The following SCRT2 variants were observed in gnomAD, a reference collection of about 807,000 sequenced individuals.
SCRT2 encodes transcriptional repressor scratch 2.
Under a neutral mutation model 3.7 loss-of-function variants are expected in SCRT2, and 2 were observed. The ratio of observed to expected loss-of-function variants is 0.54; its 90% CI spans 0.22 to 1.70. The LOEUF is 1.70. Ranked by LOEUF, SCRT2 falls within the 40% of genes most tolerant of loss-of-function variation. SCRT2 has a pLI of 0.19. For synonymous variants in SCRT2, 256 were observed against 220.6 expected (o/e 1.16, Z -1.42); for missense variants, 456 against 468.5 (o/e 0.97, Z 0.25).
chr20:672,658 G>A (rs1984379936), intron 1 of SCRT2, among the ~76,000 whole-genome samples: 1 of 150,416 alleles, frequency 6.6e-6, no homozygotes, highest in East Asian at 1.9e-4. Context: ...CCGAGCTGCA[G>A]GAATGGCTTG....
chr20:664,616 G>A lies in SCRT2; in HGVS notation c.134-155C>T, dbSNP rs1289057641. ...CCTGCACCTCAGCTCTTCCTGTCAG[G>A]CAGCCTGGGTTCAATTCCTTCCTCC... On this transcript the variant is annotated intron_variant, in intron 1 of 1. Transcript: ENST00000246104. The surrounding 1 kb of genome is among the most constrained non-coding windows in gnomAD (Gnocchi z 7.9). Among the ~76,000 whole-genome samples the A allele has an allele frequency of 2.6e-5, 4 of 152,238 alleles. No homozygotes were observed. Among genetic ancestry groups the A allele is most frequent in the African/African-American group, 9.6e-5 (4 of 41,464 alleles).
In SCRT2 at chr20:664,352, G is replaced by A; in HGVS notation, c.243C>T (p.Tyr81=). The A allele has an allele frequency of 1.4e-6, 2 of 1,477,560 alleles. No individual in the cohort carries two copies. The highest frequency in any genetic ancestry group is 2.7e-5 in the East Asian group (1 of 36,592). The allele number at this position is 1,477,560 out of a possible 1,614,324, so 91.5% of individuals were successfully genotyped here. Reference sequence around the variant, plus strand: ...TCGACTGCGGGCTTTCGGGGTCGCTGTACTCCTCCGGCGCCGCCGGCGGGT... The same window carrying A: ...TCGACTGCGGGCTTTCGGGGTCGCTATACTCCTCCGGCGCCGCCGGCGGGT... ...PAYPPAAPEE[Y]SDPESPQSSL... The change falls in exon 2 of 2, where the codon TAC becomes TAT. Residue 81 remains tyrosine (Y), a synonymous_variant. Coordinates refer to ENST00000246104, the MANE Select transcript of SCRT2 (RefSeq NM_033129.4). This position sits in a 1 kb window ranked among gnomAD's most constrained non-coding sequence, Gnocchi z 7.9.
At position 661,700 on chromosome 20, in the gene SCRT2, G is replaced by A. The variant is rs1485153462; in HGVS notation, c.*1971C>T. 6.5e-6 allele frequency: 1 copy of A among 152,680 alleles called. No individual in the cohort carries two copies. The highest frequency in any genetic ancestry group is 2.4e-5 in the African/African-American group (1 of 41,458). The allele number at this position is 152,680 out of a possible 1,614,324, so 9.5% of individuals were successfully genotyped here. ...GGGGGTGAGTTGGGATAGGACGGAG[G>A]AGGAGCGCCAAGCGCTCATACAAAA... is the stretch of plus-strand genomic sequence containing the variant. On this transcript the variant is annotated 3_prime_UTR_variant, in exon 2 of 2. Transcript: ENST00000246104.
In SCRT2 at chr20:662,477, G is replaced by A. The variant is rs1361401564; in HGVS notation, c.*1194C>T. 1.3e-5 allele frequency: 2 copies of A among 152,428 alleles called. No individual in the cohort carries two copies. The highest frequency in any genetic ancestry group is 2.9e-5 in the Non-Finnish European group (2 of 68,264). The allele number at this position is 152,428 out of a possible 1,614,324, so 9.4% of individuals were successfully genotyped here. A position where few individuals can be genotyped will look rare whatever the true frequency, so the allele number is the denominator to read the frequency against. ...AGCGAGTGCAGGCTCTGAAGAGGGT[G>A]GGTTTCTCCCGAGACGCGGGGGTGT... On this transcript the variant is annotated 3_prime_UTR_variant, in exon 2 of 2. Coordinates refer to ENST00000246104, the MANE Select transcript of SCRT2 (RefSeq NM_033129.4).
rs1449468248 is a variant in SCRT2, at chr20:667,843, A to T, written c.134-3382T>A. 6.6e-6 allele frequency among the ~76,000 whole-genome samples: 1 copy of T among 152,108 alleles called. No homozygotes were observed. Among genetic ancestry groups the T allele is most frequent in the Non-Finnish European group, 1.5e-5 (1 of 68,016 alleles). The stretch of plus-strand genomic sequence containing the variant: ...GGAGGTGGTTCTAACTTGCTTTGTG[A>T]CTGTGGCCAGGTTGCTTAACCTTTC... On this transcript the variant is annotated intron_variant, in intron 1 of 1. Coordinates refer to ENST00000246104, the MANE Select transcript of SCRT2 (RefSeq NM_033129.4). The surrounding 1 kb of genome is among the most constrained non-coding windows in gnomAD (Gnocchi z 4.4).
At chr20:671,549 C>A (rs1448870410) in intron 1 of SCRT2, among the ~76,000 whole-genome samples, 4 of 152,208 alleles carry the variant, frequency 2.6e-5, no homozygotes, top group African/African-American at 7.2e-5. Flanking sequence ...CCCAGAGGAG[C>A]TTTCTGAGGT....
chr20:667,765 A>AT lies in SCRT2; in HGVS notation c.134-3305dup, dbSNP rs1984201214. Among the ~76,000 whole-genome samples, 1 of 152,170 alleles carries AT rather than the reference A, an allele frequency of 6.6e-6. No individual in the cohort carries two copies. Among genetic ancestry groups the AT allele is most frequent in the East Asian group, 1.9e-4 (1 of 5,188 alleles). ...CCCAGACCAGACACCCAGTCAGTGG[A>AT]TTTTGGCATGGGTTGAGAGCATCCT... On this transcript the variant is annotated intron_variant, in intron 1 of 1. Coordinates refer to ENST00000246104, the MANE Select transcript of SCRT2 (RefSeq NM_033129.4). The surrounding 1 kb of genome is among the most constrained non-coding windows in gnomAD (Gnocchi z 4.4).
Position 666,518 on chromosome 20 carries a change from A to G in SCRT2, c.134-2057T>C, listed in dbSNP as rs569604635. Among the ~76,000 whole-genome samples the G allele has an allele frequency of 6.6e-6, 1 of 152,354 alleles. No individual in the cohort carries two copies. The highest frequency in any genetic ancestry group is 2.1e-4 in the South Asian group (1 of 4,830). Reference sequence around the variant, plus strand: ...TTCGCTCCCATCATCTCACTGAATCATCACAAAACTACTCTCATCACAGAT... The same window carrying G: ...TTCGCTCCCATCATCTCACTGAATCGTCACAAAACTACTCTCATCACAGAT... On this transcript the variant is annotated intron_variant, in intron 1 of 1. Coordinates refer to ENST00000246104, the MANE Select transcript of SCRT2 (RefSeq NM_033129.4). The surrounding 1 kb of genome is among the most constrained non-coding windows in gnomAD (Gnocchi z 4.4).
rs6085328 is a variant in SCRT2 at position 665,483 on chromosome 20, A to G, written c.134-1022T>C. On this transcript the variant is annotated intron_variant, in intron 1 of 1. Coordinates refer to ENST00000246104, the MANE Select transcript of SCRT2 (RefSeq NM_033129.4). The surrounding 1 kb of genome is among the most constrained non-coding windows in gnomAD (Gnocchi z 5.0). ...GAATTCCCCTCCCCCTCCTCCTCCC[A>G]CTTAGCTGGAGTTGGACCAGGAATC... Among the ~76,000 whole-genome samples the G allele has an allele frequency of 0.65, 99,265 of 152,016 alleles. 32,584 individuals carry two copies. The highest frequency in any genetic ancestry group is 0.72 in the African/African-American group (29,670 of 41,478).
At chr20:670,178 G>T (rs1230468277) in intron 1 of SCRT2, among the ~76,000 whole-genome samples, 1 of 152,216 alleles carries the variant, frequency 6.6e-6, no homozygotes, top group Non-Finnish European at 1.5e-5. Context: ...AGAGTGAGTG[G>T]CTCAGGGTCT....
intron 1 of SCRT2, among the ~76,000 whole-genome samples, chr20:670,507 C>G (rs1471954449): frequency 6.6e-6 from 1 of 152,188 alleles, no homozygotes; most frequent in African/African-American, 2.4e-5. Context: ...TGTGGGGGCC[C>G]CTAAAACCTG....
At position 666,924 on chromosome 20, in the gene SCRT2, A is replaced by T. The variant is rs987668766; in HGVS notation, c.134-2463T>A. Among the ~76,000 whole-genome samples, 22 of 151,934 alleles carry T rather than the reference A, an allele frequency of 1.4e-4. No individual in the cohort carries two copies. The highest frequency in any genetic ancestry group is 4.1e-4 in the African/African-American group (17 of 41,344). ...GTTGTGCTTCAGGTCCTTTTTTTTT[A>T]AAATGGGATTTATCTGGAGGGGTGA... On this transcript the variant is annotated intron_variant, in intron 1 of 1. Coordinates refer to ENST00000246104, the MANE Select transcript of SCRT2 (RefSeq NM_033129.4). This position sits in a 1 kb window ranked among gnomAD's most constrained non-coding sequence, Gnocchi z 4.4.
intron 1 of SCRT2, among the ~76,000 whole-genome samples, chr20:669,796 C>T (rs1390922344): frequency 6.6e-6 from 1 of 152,224 alleles, no homozygotes; most frequent in African/African-American, 2.4e-5. Context: ...TGGGTACCTC[C>T]CCCTCCCCTT....
intron 1 of SCRT2, among the ~76,000 whole-genome samples, chr20:668,268 G>A (rs1374923038): frequency 6.6e-6 from 1 of 152,102 alleles, no homozygotes; most frequent in African/African-American, 2.4e-5. Flanking sequence ...GTGACCTTGA[G>A]CAAACCACCT....
At chr20:673,704 C>G (rs934505818) in intron 1 of SCRT2, among the ~76,000 whole-genome samples, 1 of 152,180 alleles carries the variant, frequency 6.6e-6, no homozygotes, top group Non-Finnish European at 1.5e-5. Context: ...GAATTCAAGG[C>G]AAGGCATTCT....
intron 1 of SCRT2, among the ~76,000 whole-genome samples, chr20:674,409 A>T (rs879945695): frequency 0.34 from 21,120 of 62,828 alleles, 1,829 homozygotes; most frequent in Non-Finnish European, 0.47. Context: ...TCACACACAC[A>T]CACACACACA....
At chr20:672,101 C>A (rs768483400) in intron 1 of SCRT2, among the ~76,000 whole-genome samples, 3 of 152,126 alleles carry the variant, frequency 2.0e-5, no homozygotes, top group Admixed American at 1.3e-4. Flanking sequence ...CCCAGAAAGA[C>A]TGAGTCTGTG....
rs1984011286 is a variant in SCRT2 at position 663,037 on chromosome 20, C to G, written c.*634G>C. ...TGTGTGTGTGTGTGAATGGCCAGAC[C>G]TAAGGCCTGAGCATGGATGGGATCA... On this transcript the variant is annotated 3_prime_UTR_variant, in exon 2 of 2. Coordinates refer to ENST00000246104, the MANE Select transcript of SCRT2 (RefSeq NM_033129.4). This position sits in a 1 kb window ranked among gnomAD's most constrained non-coding sequence, Gnocchi z 6.9. The G allele has an allele frequency of 6.6e-6, 1 of 152,552 alleles. No individual in the cohort carries two copies. The highest frequency in any genetic ancestry group is 1.5e-5 in the Non-Finnish European group (1 of 68,432). The allele number at this position is 152,552 out of a possible 1,614,324, so 9.4% of individuals were successfully genotyped here.
At chr20:670,459 C>T (rs866511894) in intron 1 of SCRT2, among the ~76,000 whole-genome samples, 14 of 152,064 alleles carry the variant, frequency 9.2e-5, no homozygotes, top group Middle Eastern at 3.2e-3. Flanking sequence ...CCAAGAGGCC[C>T]GAGGGACCCC....
Sources: gnomAD v4.1 joint callset for allele counts (sites outside exome capture counted in the v4.1 genomes callset) on GRCh38, gnomAD v4.1.1 for gene constraint, Gnocchi (gnomAD v3.1) non-coding constraint, MANE v1.5 for transcripts, NCBI Gene and HGNC (gene_info 2026-07-23, HGNC 2026-07-21) for gene names.